The following RAB10 variants were observed in gnomAD, a reference collection of about 807,000 sequenced individuals.
RAB10 encodes the protein ras-related protein Rab-10.
RAB10 carries 5 observed loss-of-function variants against 25.7 expected under a neutral mutation model. The ratio of observed to expected loss-of-function variants is 0.19; its 90% CI spans 0.10 to 0.41. The LOEUF is 0.41. RAB10 is among the 10% of genes least tolerant of loss of function. The pLI is 1.00. For missense variants in RAB10, 103 were observed against 245.8 expected, an observed-to-expected ratio of 0.42 and a Z score of 3.89; for synonymous variants, 89 against 86.4, an observed-to-expected ratio of 1.03 and a Z score of -0.16.
chr2:26,086,801 A>G (rs181399712), intron 1 of RAB10, among the ~76,000 whole-genome samples: 7 of 152,372 alleles, frequency 4.6e-5, no homozygotes, highest in African/African-American at 1.7e-4. Flanking sequence ...AGTCATAAAA[A>G]CGGTATACTA....
intron 3 of RAB10, among the ~76,000 whole-genome samples, chr2:26,111,033 A>G (rs1410343786): frequency 6.6e-6 from 1 of 152,182 alleles, no homozygotes; most frequent in African/African-American, 2.4e-5. Flanking sequence ...AGTTAAAATT[A>G]TGTATCAAAG....
At position 26,136,813 on chromosome 2, in the gene RAB10, C is replaced by G. The variant is rs974992808; in HGVS notation, c.*1792C>G. 7 of 152,538 alleles carry G rather than the reference C, an allele frequency of 4.6e-5. No homozygotes were observed. Among genetic ancestry groups the G allele is most frequent in the Admixed American group, 4.6e-4 (7 of 15,276 alleles). The allele number at this position is 152,538 out of a possible 1,614,324, so 9.4% of individuals were successfully genotyped here. A position where few individuals can be genotyped will look rare whatever the true frequency, so the allele number is the denominator to read the frequency against. ...AGTGCCCTAAAAACAATTTTATATGCCTCACTGGTTGTTATTCTTAGGTTA... is the reference window on the plus strand; with the variant it reads ...AGTGCCCTAAAAACAATTTTATATGGCTCACTGGTTGTTATTCTTAGGTTA... On this transcript the variant is annotated 3_prime_UTR_variant, in exon 6 of 6. Coordinates refer to ENST00000264710, the MANE Select transcript of RAB10 (RefSeq NM_016131.5).
intron 1 of RAB10, among the ~76,000 whole-genome samples, chr2:26,097,757 T>C (rs1303081169): frequency 6.6e-6 from 1 of 152,104 alleles, no homozygotes; most frequent in Non-Finnish European, 1.5e-5. Context: ...TGTATCATTA[T>C]TGATTTTTCT....
chr2:26,136,746 A>G lies in RAB10; in HGVS notation c.*1725A>G, dbSNP rs1668120501. ...CTCTTGGCTCACATAAGCAAACAACATAGGGACGTATCTGCTATGAAAATC... is the reference window on the plus strand; with the variant it reads ...CTCTTGGCTCACATAAGCAAACAACGTAGGGACGTATCTGCTATGAAAATC... On this transcript the variant is annotated 3_prime_UTR_variant, in exon 6 of 6. Transcript: ENST00000264710. 6.6e-6 allele frequency: 1 copy of G among 152,620 alleles called. No homozygotes were observed. The highest frequency in any genetic ancestry group is 1.5e-5 in the Non-Finnish European group (1 of 68,044). The allele number at this position is 152,620 out of a possible 1,614,324, so 9.5% of individuals were successfully genotyped here.
At chr2:26,035,357 A>G (rs1665743197) in intron 1 of RAB10, among the ~76,000 whole-genome samples, 1 of 152,132 alleles carries the variant, frequency 6.6e-6, no homozygotes, top group Non-Finnish European at 1.5e-5. Context: ...AATCTGAGGG[A>G]GATGATCAGT....
intron 1 of RAB10, among the ~76,000 whole-genome samples, chr2:26,084,788 C>T (rs1666942828): frequency 6.6e-6 from 1 of 152,038 alleles, no homozygotes; most frequent in Admixed American, 6.5e-5. Context: ...CTTATGGTTG[C>T]TTCTTTATTA....
chr2:26,037,519 A>G (rs1198725636), intron 1 of RAB10, among the ~76,000 whole-genome samples: 1 of 151,986 alleles, frequency 6.6e-6, no homozygotes, highest in Non-Finnish European at 1.5e-5. Context: ...CATGCTTGTA[A>G]TCCCAGTTAC....
At chr2:26,089,934 C>G (rs987037125) in intron 1 of RAB10, among the ~76,000 whole-genome samples, 3 of 152,020 alleles carry the variant, frequency 2.0e-5, no homozygotes, top group African/African-American at 7.2e-5. Context: ...TTACATTTGC[C>G]TAGATTTCAA....
chr2:26,063,064 G>A (rs1316849200), intron 1 of RAB10, among the ~76,000 whole-genome samples: 6 of 148,762 alleles, frequency 4.0e-5, no homozygotes, highest in African/African-American at 1.5e-4. Context: ...GCCGTGAGCC[G>A]ACATCACACC....
intron 1 of RAB10, among the ~76,000 whole-genome samples, chr2:26,042,057 T>G (rs13402495): frequency 6.6e-6 from 1 of 152,196 alleles, no homozygotes; most frequent in African/African-American, 2.4e-5. Flanking sequence ...ATTAGTGATG[T>G]GGGAATTACA....
intron 1 of RAB10, among the ~76,000 whole-genome samples, chr2:26,061,092 C>CTTTTTTTTTTTTTTTTTTTTTTTTT (rs5829993): frequency 3.7e-4 from 31 of 83,638 alleles, no homozygotes; most frequent in South Asian, 5.7e-4. Flanking sequence ...TTATCTCTGT[C>CTTTTTTTTTTTTTTTTTTTTTTTTT]TTTTTTTTTT....
At chr2:26,042,098 T>C (rs946438547) in intron 1 of RAB10, among the ~76,000 whole-genome samples, 1 of 152,128 alleles carries the variant, frequency 6.6e-6, no homozygotes, top group African/African-American at 2.4e-5. Context: ...AAGCTTTTAG[T>C]GGGCTGCTTC....
intron 2 of RAB10, among the ~76,000 whole-genome samples, chr2:26,106,826 A>T (rs559651462): frequency 6.6e-6 from 1 of 152,182 alleles, no homozygotes; most frequent in Admixed American, 6.5e-5. Context: ...CAGAGGTTGC[A>T]ATGTGCCGAG....
chr2:26,067,802 T>C (rs1028874615), intron 1 of RAB10, among the ~76,000 whole-genome samples: 1 of 152,222 alleles, frequency 6.6e-6, no homozygotes, highest in African/African-American at 2.4e-5. Context: ...TCAATGTCTG[T>C]GAAACCATCA....
At chr2:26,104,435 T>G (rs1667422786) in intron 2 of RAB10, among the ~76,000 whole-genome samples, 1 of 152,242 alleles carries the variant, frequency 6.6e-6, no homozygotes, top group African/African-American at 2.4e-5. Flanking sequence ...TCATTTGTCC[T>G]TTTATTGTTG....
intron 3 of RAB10, among the ~76,000 whole-genome samples, chr2:26,114,997 A>G (rs942107476): frequency 6.6e-6 from 1 of 152,218 alleles, no homozygotes; most frequent in Admixed American, 6.5e-5. Context: ...ATTGGGCTAC[A>G]TCAAATTTAA....
chr2:26,101,541 T>A (rs1667339118), intron 2 of RAB10: 1 of 152,240 alleles, frequency 6.6e-6, no homozygotes, highest in Admixed American at 6.6e-5. Context: ...GTAGCAGTCA[T>A]TGATAGGGGT....
At chr2:26,041,462 A>C (rs1039312709) in intron 1 of RAB10, among the ~76,000 whole-genome samples, 2 of 150,066 alleles carry the variant, frequency 1.3e-5, no homozygotes, top group Non-Finnish European at 3.0e-5. Flanking sequence ...AGAATTGCTT[A>C]AACCCGGGAG....
At chr2:26,037,616 G>C (rs1331390389) in intron 1 of RAB10, among the ~76,000 whole-genome samples, 2 of 151,576 alleles carry the variant, frequency 1.3e-5, no homozygotes, top group Non-Finnish European at 2.9e-5. Flanking sequence ...TCCAGCCTGG[G>C]CAACAAGAGT....
Sources: allele counts gnomAD v4.1 joint callset (sites outside exome capture counted in the v4.1 genomes callset), GRCh38; gene constraint gnomAD v4.1.1; transcripts MANE v1.5; gene names NCBI Gene and HGNC (gene_info 2026-07-23, HGNC 2026-07-21).